The following CERS6 variants were observed in gnomAD, a reference collection of about 807,000 sequenced individuals.
The protein encoded by CERS6 is ceramide synthase 6.
Under a neutral mutation model 56.8 loss-of-function variants are expected in CERS6, and 26 were observed. The ratio of observed to expected loss-of-function variants is 0.46; its 90% CI spans 0.34 to 0.63. The LOEUF (loss-of-function observed/expected upper bound fraction) is 0.63, where lower values mean the gene tolerates loss of function less well. CERS6 is among the 30% of genes least tolerant of loss of function. The probability of loss-of-function intolerance (pLI) is 0.01; values close to 1 mark genes in which losing one functional copy is unlikely to be tolerated. For synonymous variants in CERS6, 164 were observed against 173.3 expected, an observed-to-expected ratio of 0.95 and a Z score of 0.42; for missense variants, 415 against 467.5, an observed-to-expected ratio of 0.89 and a Z score of 1.04.
rs139314958 is a variant in CERS6 at position 168,722,201 on chromosome 2, G to A, written c.845+4223G>A. Among the ~76,000 whole-genome samples, 71 of 152,214 alleles carry A rather than the reference G, an allele frequency of 4.7e-4. 1 individual carries two copies. The East Asian group carries it at 0.013, about 27-fold the overall frequency. On this transcript the variant is annotated intron_variant, in intron 8 of 9. Coordinates refer to ENST00000305747, the MANE Select transcript of CERS6 (RefSeq NM_203463.3). ...TATATTATATATAAAGGACTTATCC[G>A]ATATATAATTTGCAAATGTTTTCTC...
intron 6 of CERS6, among the ~76,000 whole-genome samples, chr2:168,706,092 T>C (rs778511840): frequency 2.0e-4 from 30 of 152,258 alleles, no homozygotes; most frequent in African/African-American, 7.2e-4. Flanking sequence ...GTTCAATGAA[T>C]AGAAAGACAT....
At position 168,515,156 on chromosome 2, in the gene CERS6, T is replaced by C. The variant is rs373545959; in HGVS notation, c.171-32440T>C. 1.1e-4 allele frequency among the ~76,000 whole-genome samples: 16 copies of C among 152,370 alleles called. No individual in the cohort carries two copies. The East Asian group carries it at 3.1e-3, about 29-fold the overall frequency. On this transcript the variant is annotated intron_variant, in intron 1 of 9. Coordinates refer to ENST00000305747, the MANE Select transcript of CERS6 (RefSeq NM_203463.3). ...TGTTACTGCCATGAACATGGACTCA[T>C]GTAATTATTTTACTGAATAGTTCAG...
intron 4 of CERS6, among the ~76,000 whole-genome samples, chr2:168,687,303 T>C (rs1276556673): frequency 6.6e-6 from 1 of 152,236 alleles, no homozygotes; most frequent in Non-Finnish European, 1.5e-5. Flanking sequence ...TTGTGAAATA[T>C]CTTAACAAAG....
chr2:168,605,160 G>A (rs1002451571), intron 3 of CERS6, among the ~76,000 whole-genome samples: 46 of 152,198 alleles, frequency 3.0e-4, no homozygotes, highest in African/African-American at 9.4e-4. Context: ...AGTCTCAGAC[G>A]GATATGAGGA....
chr2:168,591,121 G>T (rs982691104), intron 3 of CERS6, among the ~76,000 whole-genome samples: 1 of 152,026 alleles, frequency 6.6e-6, no homozygotes, highest in Non-Finnish European at 1.5e-5. Flanking sequence ...AATGTCATAG[G>T]GCTGTAAACA....
chr2:168,575,112 C>G (rs200023944), intron 3 of CERS6, among the ~76,000 whole-genome samples: 2 of 152,178 alleles, frequency 1.3e-5, no homozygotes, highest in East Asian at 3.8e-4. Flanking sequence ...ACCTGCCTGT[C>G]TCTAGCACTA....
intron 3 of CERS6, among the ~76,000 whole-genome samples, chr2:168,615,242 C>T (rs946513752): frequency 6.6e-6 from 1 of 152,134 alleles, no homozygotes; most frequent in Admixed American, 6.5e-5. Context: ...CATCTTCCCC[C>T]TGACATAGCC....
intron 3 of CERS6, among the ~76,000 whole-genome samples, chr2:168,586,415 G>T (rs1427473500): frequency 6.6e-6 from 1 of 151,840 alleles, no homozygotes; most frequent in Non-Finnish European, 1.5e-5. Flanking sequence ...GTTATTTTCA[G>T]TGGAAATGAA....
rs370219378 is a variant in CERS6 at position 168,641,623 on chromosome 2, T to C, written c.465+10581T>C. 4.6e-5 allele frequency among the ~76,000 whole-genome samples: 7 copies of C among 152,304 alleles called. No individual in the cohort carries two copies. In the East Asian group the frequency reaches 1.2e-3, roughly 25 times the overall value. ...TAATGTTAAGCCCTTTAAATCTCTA[T>C]TGTATAGGTTGGAAGGTTGTTTTGC... On this transcript the variant is annotated intron_variant, in intron 4 of 9. Coordinates refer to ENST00000305747, the MANE Select transcript of CERS6 (RefSeq NM_203463.3).
chr2:168,774,656 A>G lies in CERS6; in HGVS notation c.*4994A>G, dbSNP rs369431388. ...AAGATTACCTGCAAAAAAAAAAAAGAAATGAGTTATGGAATAGGAACAGTT... is the reference window on the plus strand; with the variant it reads ...AAGATTACCTGCAAAAAAAAAAAAGGAATGAGTTATGGAATAGGAACAGTT... On this transcript the variant is annotated 3_prime_UTR_variant, in exon 10 of 10. Coordinates refer to ENST00000305747, the MANE Select transcript of CERS6 (RefSeq NM_203463.3). 4 of 152,004 alleles carry G rather than the reference A, an allele frequency of 2.6e-5. 1 individual carries two copies. Among genetic ancestry groups the G allele is most frequent in the East Asian group, 1.9e-4 (1 of 5,188 alleles). The allele number at this position is 152,004 out of a possible 1,614,324, so 9.4% of individuals were successfully genotyped here. A position where few individuals can be genotyped will look rare whatever the true frequency, so the allele number is the denominator to read the frequency against.
At chr2:168,573,968 G>A (rs1683185265) in intron 3 of CERS6, among the ~76,000 whole-genome samples, 1 of 152,196 alleles carries the variant, frequency 6.6e-6, no homozygotes, top group Non-Finnish European at 1.5e-5. Context: ...TGTAGCACTA[G>A]TTGATAGGTC....
chr2:168,490,844 G>C (rs1187141829), intron 1 of CERS6, among the ~76,000 whole-genome samples: 1 of 151,232 alleles, frequency 6.6e-6, no homozygotes, highest in Non-Finnish European at 1.5e-5. Context: ...TGATGATAGT[G>C]TGTATAATGT....
At chr2:168,650,528 C>T (rs4456668) in intron 4 of CERS6, among the ~76,000 whole-genome samples, 13 of 152,194 alleles carry the variant, frequency 8.5e-5, no homozygotes, top group African/African-American at 3.1e-4. Context: ...AGCCCAACTC[C>T]TGAAGCCTCT....
At position 168,773,400 on chromosome 2, in the gene CERS6, CAGGTT is replaced by C. The variant is rs1363809572; in HGVS notation, c.*3739_*3743del. 13 of 152,290 alleles carry C rather than the reference CAGGTT, an allele frequency of 8.5e-5. No individual in the cohort carries two copies. Among genetic ancestry groups the C allele is most frequent in the African/African-American group, 3.1e-4 (13 of 41,570 alleles). The allele number at this position is 152,290 out of a possible 1,614,324, so 9.4% of individuals were successfully genotyped here. A position where few individuals can be genotyped will look rare whatever the true frequency, so the allele number is the denominator to read the frequency against. Reference sequence around the variant, plus strand: ...CATTTCATGTGGTATTTCAGGTCTTCAGGTTCTGATTAGCTTACTTTTTTCCTTTG... The same window carrying C: ...CATTTCATGTGGTATTTCAGGTCTTCCTGATTAGCTTACTTTTTTCCTTTG... On this transcript the variant is annotated 3_prime_UTR_variant, in exon 10 of 10. Transcript: ENST00000305747.
intron 1 of CERS6, among the ~76,000 whole-genome samples, chr2:168,525,826 C>T (rs1020604): frequency 0.61 from 92,620 of 151,540 alleles, 28,742 homozygotes; most frequent in South Asian, 0.81. Flanking sequence ...TCATTTAAGT[C>T]ACTCTATGAG....
chr2:168,532,368 A>T (rs967597201), intron 1 of CERS6, among the ~76,000 whole-genome samples: 9 of 152,074 alleles, frequency 5.9e-5, no homozygotes, highest in South Asian at 2.1e-4. Flanking sequence ...GGCATCAGAG[A>T]TTCTCTTAAC....
Position 168,672,251 on chromosome 2 carries a change from A to G in CERS6, c.466-18783A>G, listed in dbSNP as rs777646111. ...TTTCAACTTCATGTCCTTTTCCAAC[A>G]TTGCCAGTTTCTAGTACAGTAATAA... On this transcript the variant is annotated intron_variant, in intron 4 of 9. Transcript: ENST00000305747. Among the ~76,000 whole-genome samples the G allele has an allele frequency of 7.9e-4, 120 of 152,234 alleles. 1 individual carries two copies. Among genetic ancestry groups the G allele is most frequent in the Non-Finnish European group, 1.5e-3 (105 of 68,030 alleles).
intron 4 of CERS6, among the ~76,000 whole-genome samples, chr2:168,631,634 AG>A (rs1684736974): frequency 1.2e-4 from 13 of 110,858 alleles, no homozygotes; most frequent in East Asian, 4.8e-4. Context: ...TATAATATAT[AG>A]CATATTTTAT....
intron 4 of CERS6, among the ~76,000 whole-genome samples, chr2:168,690,060 G>A (rs1686460439): frequency 6.6e-6 from 1 of 152,090 alleles, no homozygotes; most frequent in Admixed American, 6.6e-5. Flanking sequence ...AGGATTAAAT[G>A]AGTTAATATG....
Sources: gnomAD v4.1 joint callset for allele counts (sites outside exome capture counted in the v4.1 genomes callset) on GRCh38, gnomAD v4.1.1 for gene constraint, MANE v1.5 for transcripts, NCBI Gene and HGNC (gene_info 2026-07-23, HGNC 2026-07-21) for gene names.